DLGAP1: variants seen among roughly 807,000 people sequenced by gnomAD.
DLGAP1 encodes the protein disks large-associated protein 1.
Under a neutral mutation model 90.8 loss-of-function variants are expected in DLGAP1, and 11 were observed. The observed-to-expected ratio is 0.12, with a 90% CI of 0.08 to 0.20. DLGAP1 has a LOEUF of 0.20. Ranked by LOEUF, DLGAP1 falls within the 10% of genes least tolerant of loss-of-function variation. The pLI, the probability that DLGAP1 is intolerant of heterozygous loss-of-function variation, is 1.00. For synonymous variants in DLGAP1, 558 were observed against 540.7 expected (o/e 1.03, Z -0.44); for missense variants, 1,050 against 1,333.8 (o/e 0.79, Z 3.31).
At chr18:4,275,405 T>C (rs1331687405) in intron 1 of DLGAP1, 10 of 152,218 alleles carry the variant, frequency 6.6e-5, no homozygotes, top group Admixed American at 6.5e-4. Flanking sequence ...AAATCCTATT[T>C]GAAATTCAAC....
intron 2 of DLGAP1, among the ~76,000 whole-genome samples, chr18:4,098,865 A>C (rs1202407185): frequency 6.6e-6 from 1 of 152,202 alleles, no homozygotes; most frequent in Non-Finnish European, 1.5e-5. Flanking sequence ...TGGGCAAGTC[A>C]GATAGTTTAA....
chr18:4,368,798 CAATAT>C (rs1164301431), intron 1 of DLGAP1, among the ~76,000 whole-genome samples: 2 of 151,224 alleles, frequency 1.3e-5, no homozygotes, highest in East Asian at 1.9e-4. Context: ...TAATAATGCC[CAATAT>C]AATATTGAAA....
At chr18:4,149,281 C>T (rs559778282) in intron 2 of DLGAP1, among the ~76,000 whole-genome samples, 4 of 152,216 alleles carry the variant, frequency 2.6e-5, no homozygotes, top group East Asian at 1.9e-4. Flanking sequence ...CTACTGAAGA[C>T]GGACAATTTA....
chr18:3,536,289 C>T (rs1169829541), intron 9 of DLGAP1, among the ~76,000 whole-genome samples: 1 of 149,550 alleles, frequency 6.7e-6, no homozygotes, highest in Non-Finnish European at 1.5e-5. Flanking sequence ...AGTGGCACAA[C>T]CTCAACTCAC....
chr18:3,629,485 C>T (rs888925378), intron 7 of DLGAP1, among the ~76,000 whole-genome samples: 10 of 152,056 alleles, frequency 6.6e-5, no homozygotes, highest in South Asian at 6.2e-4. Context: ...TCCTGGCTAA[C>T]ACGCTGAAAC....
At chr18:4,333,879 C>T (rs2081009520) in intron 1 of DLGAP1, among the ~76,000 whole-genome samples, 2 of 151,076 alleles carry the variant, frequency 1.3e-5, no homozygotes, top group Non-Finnish European at 2.9e-5. Context: ...GGACCACAGG[C>T]GTGAGCCACC....
At chr18:3,634,541 C>A (rs911408265) in intron 7 of DLGAP1, among the ~76,000 whole-genome samples, 1 of 152,134 alleles carries the variant, frequency 6.6e-6, no homozygotes, top group African/African-American at 2.4e-5. Context: ...AATGCCCTGA[C>A]ATTATAATAA....
chr18:3,953,860 C>T (rs1407551163), intron 3 of DLGAP1, among the ~76,000 whole-genome samples: 1 of 152,118 alleles, frequency 6.6e-6, no homozygotes, highest in African/African-American at 2.4e-5. Flanking sequence ...GAAACATACT[C>T]TAATCTTTTA....
At chr18:3,824,764 G>A (rs2067617693) in intron 4 of DLGAP1, among the ~76,000 whole-genome samples, 1 of 152,192 alleles carries the variant, frequency 6.6e-6, no homozygotes, top group East Asian at 1.9e-4. Context: ...GCATCTTGGG[G>A]CTGTTTGGAC....
intron 2 of DLGAP1, among the ~76,000 whole-genome samples, 186 bp downstream of exon 2, chr18:4,150,994 G>A (rs570606723): frequency 6.6e-6 from 1 of 152,266 alleles, no homozygotes; most frequent in East Asian, 1.9e-4. Context: ...AGGTAGCTAG[G>A]AAGTTAAAAA....
At chr18:3,967,511 G>A (rs2148997221) in intron 3 of DLGAP1, among the ~76,000 whole-genome samples, 1 of 152,338 alleles carries the variant, frequency 6.6e-6, no homozygotes, top group African/African-American at 2.4e-5. Context: ...TGAGGCCCAG[G>A]AACCTGAGTT....
intron 7 of DLGAP1, among the ~76,000 whole-genome samples, chr18:3,713,650 T>C (rs1286049868): frequency 6.6e-6 from 1 of 152,198 alleles, no homozygotes; most frequent in African/African-American, 2.4e-5. Context: ...ATTTTCAGAA[T>C]TTGCTTTAGG....
intron 4 of DLGAP1, among the ~76,000 whole-genome samples, chr18:3,834,336 A>G (rs1651484779): frequency 7.2e-6 from 1 of 139,332 alleles, no homozygotes; most frequent in Non-Finnish European, 1.6e-5. Flanking sequence ...AAAAAGATTT[A>G]TGTAATAGAT....
chr18:3,799,073 C>G (rs989016586), intron 5 of DLGAP1, among the ~76,000 whole-genome samples: 13 of 152,150 alleles, frequency 8.5e-5, no homozygotes, highest in Non-Finnish European at 1.8e-4. Context: ...GGGGGGTTTT[C>G]ACCAACTTGG....
intron 4 of DLGAP1, among the ~76,000 whole-genome samples, chr18:3,817,114 C>G (rs1414602297): frequency 1.6e-5 from 1 of 62,416 alleles, no homozygotes; most frequent in East Asian, 3.5e-4. Context: ...TAACTTGGTA[C>G]AGCTGAGGGT....
intron 4 of DLGAP1, among the ~76,000 whole-genome samples, chr18:3,831,067 C>T (rs376166088): frequency 2.0e-5 from 3 of 152,286 alleles, no homozygotes; most frequent in East Asian, 1.9e-4. Flanking sequence ...AACACATCTC[C>T]GTGCACGAAG....
chr18:3,724,904 C>CA lies in DLGAP1; in HGVS notation c.1591+4230dup, dbSNP rs35207660. ...TAGGTGACACAGGGAAACTCTGTCT[C>CA]AAAAAAAAAAAAAACCCAACCAAAC... On this transcript the variant is annotated intron_variant, in intron 7 of 12. Coordinates refer to ENST00000315677, the MANE Select transcript of DLGAP1 (RefSeq NM_004746.4). Among the ~76,000 whole-genome samples the CA allele has an allele frequency of 7.3e-3, 966 of 132,120 alleles. 3 individuals are homozygous for CA. The highest frequency in any genetic ancestry group is 0.012 in the African/African-American group (403 of 34,996). The allele number at this position is 132,120 out of a possible 152,430, so 86.7% of individuals were successfully genotyped here. A position where few individuals can be genotyped will look rare whatever the true frequency, so the allele number is the denominator to read the frequency against.
At chr18:3,698,170 AT>A (rs2061158051) in intron 7 of DLGAP1, among the ~76,000 whole-genome samples, 1 of 152,166 alleles carries the variant, frequency 6.6e-6, no homozygotes, top group Non-Finnish European at 1.5e-5. Context: ...TAATTGGGGC[AT>A]TTAGCCTGTT....
intron 9 of DLGAP1, among the ~76,000 whole-genome samples, chr18:3,559,029 G>A (rs1341522349): frequency 1.3e-5 from 2 of 152,140 alleles, no homozygotes; most frequent in East Asian, 3.8e-4. Flanking sequence ...ATAGCATTCT[G>A]GTCTTAGCAG....
Sources: gnomAD v4.1 joint callset for allele counts (sites outside exome capture counted in the v4.1 genomes callset) on GRCh38, gnomAD v4.1.1 for gene constraint, MANE v1.5 for transcripts, NCBI Gene and HGNC (gene_info 2026-07-23, HGNC 2026-07-21) for gene names.